INSR: variants seen among roughly 807,000 people sequenced by gnomAD.
INSR encodes the protein insulin receptor.
In INSR, 67 loss-of-function variants were observed where a neutral mutation model predicts 142.6. That is an observed-to-expected ratio of 0.47 (90% CI 0.39 to 0.58). The LOEUF (loss-of-function observed/expected upper bound fraction) is 0.58. Among genes scored for constraint, INSR ranks in the 20% least tolerant of loss-of-function variants. The probability of loss-of-function intolerance (pLI) is 0.00; values close to 1 mark genes in which losing one functional copy is unlikely to be tolerated. For synonymous variants in INSR, 756 were observed against 743.1 expected, an observed-to-expected ratio of 1.02 and a Z score of -0.28; for missense variants, 1,248 against 1,833.2, an observed-to-expected ratio of 0.68 and a Z score of 5.83.
chr19:7,157,870 A>T (rs1293598615), intron 9 of INSR, among the ~76,000 whole-genome samples: 2 of 151,592 alleles, frequency 1.3e-5, no homozygotes, highest in African/African-American at 4.9e-5. Flanking sequence ...GTGAGTATCC[A>T]CTCGGAAACC....
intron 13 of INSR, among the ~76,000 whole-genome samples, chr19:7,135,126 G>C (rs1475032513): frequency 2.2e-5 from 3 of 138,382 alleles, no homozygotes; most frequent in African/African-American, 8.1e-5. Context: ...ACAACCCCAT[G>C]CTTATCGTGT....
intron 2 of INSR, among the ~76,000 whole-genome samples, chr19:7,241,193 T>G (rs1976329554): frequency 7.5e-6 from 1 of 132,890 alleles, no homozygotes; most frequent in African/African-American, 2.6e-5. Flanking sequence ...TTTTTTTTTT[T>G]TAAGAGATGA....
chr19:7,126,482 G>A, intron 16 of INSR, 102 bp downstream of exon 16: 1 of 1,059,214 alleles, frequency 9.4e-7, no homozygotes. Context: ...GGCTTTTCTT[G>A]GCCTCCCTGG....
At chr19:7,231,009 C>T (rs1219639453) in intron 2 of INSR, among the ~76,000 whole-genome samples, 1 of 152,164 alleles carries the variant, frequency 6.6e-6, no homozygotes, top group African/African-American at 2.4e-5. Flanking sequence ...CCTTTAGAAG[C>T]CTCCAGCCTC....
At position 7,122,864 on chromosome 19, in the gene INSR, C is replaced by A; in HGVS notation, c.3369+15G>T. 1.2e-6 allele frequency: 2 copies of A among 1,609,960 alleles called. No individual in the cohort carries two copies. Among genetic ancestry groups the A allele is most frequent in the South Asian group, 1.1e-5 (1 of 90,562 alleles). ...CTCCACCGAGTACCCCGCTGGGTCCCCCGAAGCAGCTTACCTCAGCCTCTG... is the reference window on the plus strand; with the variant it reads ...CTCCACCGAGTACCCCGCTGGGTCCACCGAAGCAGCTTACCTCAGCCTCTG... On this transcript the variant is annotated intron_variant, in intron 18 of 21. Transcript: ENST00000302850.
chr19:7,273,741 C>T (rs747387400), intron 1 of INSR, among the ~76,000 whole-genome samples: 70 of 151,892 alleles, frequency 4.6e-4, no homozygotes, highest in Admixed American at 2.1e-3. Flanking sequence ...TGGTCTCGAA[C>T]TCTGACCTCA....
At position 7,125,810 on chromosome 19, in the gene INSR, C is replaced by T. The variant is rs1472289119; in HGVS notation, c.3014-283G>A. Among the ~76,000 whole-genome samples the T allele has an allele frequency of 6.6e-6, 1 of 152,102 alleles. No homozygotes were observed. Among genetic ancestry groups the T allele is most frequent in the Non-Finnish European group, 1.5e-5 (1 of 68,030 alleles). Reference sequence around the variant, plus strand: ...CATCCCCATCCTTCTTGTCTGATTTCAGACCCTTGCTATGGAATGATGCTA... The same window carrying T: ...CATCCCCATCCTTCTTGTCTGATTTTAGACCCTTGCTATGGAATGATGCTA... On this transcript the variant is annotated intron_variant, in intron 16 of 21. Coordinates refer to ENST00000302850, the MANE Select transcript of INSR (RefSeq NM_000208.4). This position sits in a 1 kb window ranked among gnomAD's most constrained non-coding sequence, Gnocchi z 4.9.
Position 7,125,641 on chromosome 19 carries a change from G to A in INSR, c.3014-114C>T. ...CGAAAACACTCATGAAATGAGTTCT[G>A]TGATCCAGGACCCATGCCGGGCACT... On this transcript the variant is annotated intron_variant, in intron 16 of 21. Coordinates refer to ENST00000302850, the MANE Select transcript of INSR (RefSeq NM_000208.4). This position sits in a 1 kb window ranked among gnomAD's most constrained non-coding sequence, Gnocchi z 4.9. 4.9e-6 allele frequency: 7 copies of A among 1,414,872 alleles called. No individual in the cohort carries two copies. In the African/African-American group the frequency reaches 5.6e-5, roughly 11 times the overall value. 87.6% of individuals were successfully genotyped at this position (1,414,872 alleles called of 1,614,324 possible). A position where few individuals can be genotyped will look rare whatever the true frequency, so the allele number is the denominator to read the frequency against.
chr19:7,249,824 C>G (rs182037408), intron 2 of INSR, among the ~76,000 whole-genome samples: 5 of 152,186 alleles, frequency 3.3e-5, no homozygotes, highest in East Asian at 1.9e-4. Flanking sequence ...AACCCCGTCT[C>G]TACTAAAAAT....
At chr19:7,161,562 G>C (rs1973749237) in intron 9 of INSR, among the ~76,000 whole-genome samples, 1 of 152,042 alleles carries the variant, frequency 6.6e-6, no homozygotes. Flanking sequence ...ATTTTTAATT[G>C]AAAGTATGGG....
chr19:7,192,249 G>GAAGAAAAGAA lies in INSR; in HGVS notation c.653-7622_653-7613dup, dbSNP rs146673661. On this transcript the variant is annotated intron_variant, in intron 2 of 21. Transcript: ENST00000302850. This position sits in a 1 kb window ranked among gnomAD's most constrained non-coding sequence, Gnocchi z 4.2. Reference sequence around the variant, plus strand: ...AAGAGAAAGAAGGAAGGGAGGGAGGGAAGAAAAGAAAAGAAAAGAAAAGAA... The same window carrying GAAGAAAAGAA: ...AAGAGAAAGAAGGAAGGGAGGGAGGGAAGAAAAGAAAAGAAAAGAAAAGAAAAGAAAAGAA... Among the ~76,000 whole-genome samples, 2,938 of 117,092 alleles carry GAAGAAAAGAA rather than the reference G, an allele frequency of 0.025. 44 individuals carry two copies. The highest frequency in any genetic ancestry group is 0.061 in the Middle Eastern group (15 of 244). 76.8% of individuals were successfully genotyped at this position (117,092 alleles called of 152,430 possible).
At chr19:7,118,760 A>T (rs1972400976) in intron 21 of INSR, among the ~76,000 whole-genome samples, 1 of 150,360 alleles carries the variant, frequency 6.7e-6, no homozygotes, top group African/African-American at 2.4e-5. Flanking sequence ...CAAAAAAAAA[A>T]AAAAATTAGC....
At chr19:7,282,004 G>A (rs951549034) in intron 1 of INSR, among the ~76,000 whole-genome samples, 1 of 152,188 alleles carries the variant, frequency 6.6e-6, no homozygotes, top group Non-Finnish European at 1.5e-5. Context: ...GGAGCTTAGA[G>A]CCAGTCTGTA....
At chr19:7,180,425 G>A (rs1974243212) in intron 3 of INSR, among the ~76,000 whole-genome samples, 1 of 151,294 alleles carries the variant, frequency 6.6e-6, no homozygotes, top group Admixed American at 6.6e-5. Context: ...AGCTACTCAG[G>A]AGGCTGTGGC....
intron 13 of INSR, among the ~76,000 whole-genome samples, chr19:7,141,101 G>A (rs1218354565): frequency 6.6e-6 from 1 of 152,140 alleles, no homozygotes; most frequent in Non-Finnish European, 1.5e-5. Flanking sequence ...GGAGCGCAAT[G>A]GTGCAATCTC....
intron 2 of INSR, among the ~76,000 whole-genome samples, chr19:7,235,135 A>G (rs17175860): frequency 0.16 from 23,813 of 152,156 alleles, 2,060 homozygotes; most frequent in Non-Finnish European, 0.19. Flanking sequence ...TGTGAGGGCC[A>G]GTATTCAATC....
chr19:7,178,246 G>GCT, intron 3 of INSR, among the ~76,000 whole-genome samples: 1 of 126,564 alleles, frequency 7.9e-6, no homozygotes, highest in East Asian at 2.8e-4. Flanking sequence ...TGACTTGTGG[G>GCT]GGGGGGGGTG....
chr19:7,235,474 T>C (rs1976129059), intron 2 of INSR, among the ~76,000 whole-genome samples: 1 of 152,096 alleles, frequency 6.6e-6, no homozygotes, highest in Non-Finnish European at 1.5e-5. Context: ...TTACGGAAGA[T>C]TTTCAAAGCC....
At chr19:7,287,117 T>G (rs943910593) in intron 1 of INSR, among the ~76,000 whole-genome samples, 3 of 151,556 alleles carry the variant, frequency 2.0e-5, no homozygotes, top group African/African-American at 7.3e-5. Context: ...CCCAGAGTGC[T>G]GGGATTGCAG....
Sources: allele counts gnomAD v4.1 joint callset (sites outside exome capture counted in the v4.1 genomes callset), GRCh38; gene constraint gnomAD v4.1.1; non-coding constraint Gnocchi (gnomAD v3.1); transcripts MANE v1.5; gene names NCBI Gene and HGNC (gene_info 2026-07-23, HGNC 2026-07-21).